TNIK: variants seen among roughly 807,000 people sequenced by gnomAD.
TNIK encodes TRAF2 and NCK interacting kinase, also known as TRAF2 and NCK-interacting protein kinase.
A neutral mutation model predicts 191.3 loss-of-function variants in TNIK; 49 were observed. The observed-to-expected ratio is 0.26, with a 90% CI of 0.20 to 0.32. The LOEUF (loss-of-function observed/expected upper bound fraction) is 0.32. Ranked by LOEUF, TNIK falls within the 10% of genes least tolerant of loss-of-function variation. TNIK has a pLI of 1.00. For missense variants in TNIK, 1,155 were observed against 1,702.3 expected (o/e 0.68, Z 5.66); for synonymous variants, 594 against 600.9 (o/e 0.99, Z 0.17).
chr3:171,249,477 G>T (rs1311229885), intron 2 of TNIK, among the ~76,000 whole-genome samples: 1 of 152,206 alleles, frequency 6.6e-6, no homozygotes, highest in Non-Finnish European at 1.5e-5. Context: ...GGGCTGGAGG[G>T]ATGGGGCAGT....
At chr3:171,328,735 T>C (rs1756088825) in intron 2 of TNIK, among the ~76,000 whole-genome samples, 1 of 152,210 alleles carries the variant, frequency 6.6e-6, no homozygotes, top group Non-Finnish European at 1.5e-5. Flanking sequence ...TATTTAAATA[T>C]GTAAATGAAA....
intron 2 of TNIK, among the ~76,000 whole-genome samples, chr3:171,289,272 G>T (rs77549575): frequency 6.6e-6 from 1 of 152,284 alleles, no homozygotes; most frequent in South Asian, 2.1e-4. Context: ...GAAAGAACCT[G>T]TAAAAAGAGA....
chr3:171,364,364 TA>T (rs532408501), intron 2 of TNIK, among the ~76,000 whole-genome samples: 2,178 of 141,556 alleles, frequency 0.015, 13 homozygotes, highest in African/African-American at 0.021. Context: ...CATCCCATTA[TA>T]AAAAAAAAAA....
intron 2 of TNIK, among the ~76,000 whole-genome samples, chr3:171,368,993 ATT>A (rs762884685): frequency 1.3e-5 from 2 of 150,638 alleles, no homozygotes; most frequent in Admixed American, 1.3e-4. Flanking sequence ...TCAACCAGCC[ATT>A]TTTCGTAGAT....
chr3:171,087,237 C>G, intron 24 of TNIK, 105 bp downstream of exon 24: 2 of 1,503,116 alleles, frequency 1.3e-6, no homozygotes, highest in South Asian at 1.3e-5. Flanking sequence ...ACCAACCAAA[C>G]AAGTTTCAAG....
At chr3:171,438,093 G>T (rs1726249773) in intron 1 of TNIK, among the ~76,000 whole-genome samples, 1 of 152,326 alleles carries the variant, frequency 6.6e-6, no homozygotes, top group South Asian at 2.1e-4. Context: ...ATTCACCTGT[G>T]TCTCATTTAT....
At chr3:171,079,701 C>T in intron 27 of TNIK, 49 bp from the exon 28 acceptor site, 1 of 1,546,556 alleles carries the variant, frequency 6.5e-7, no homozygotes, top group Non-Finnish European at 8.7e-7. Context: ...ACAGCTCTCA[C>T]TTTTTCCTTC....
chr3:171,295,591 A>G (rs2108252983), intron 2 of TNIK, among the ~76,000 whole-genome samples: 1 of 152,352 alleles, frequency 6.6e-6, no homozygotes, highest in East Asian at 1.9e-4. Flanking sequence ...TTGCTTTCTG[A>G]CAGTTCAATT....
At chr3:171,271,829 T>C (rs1749142822) in intron 2 of TNIK, among the ~76,000 whole-genome samples, 1 of 152,172 alleles carries the variant, frequency 6.6e-6, no homozygotes, top group African/African-American at 2.4e-5. Flanking sequence ...AGGACTCACA[T>C]CTGTTTACAA....
intron 2 of TNIK, among the ~76,000 whole-genome samples, chr3:171,328,215 G>A (rs140912428): frequency 5.1e-4 from 78 of 152,258 alleles, no homozygotes; most frequent in African/African-American, 1.9e-3. Context: ...GACACAGTGA[G>A]AAGACTATGA....
In TNIK at chr3:171,437,463, T is replaced by C. The variant is rs561995288; in HGVS notation, c.57+22544A>G. On this transcript the variant is annotated intron_variant, in intron 1 of 32. Coordinates refer to ENST00000436636, the MANE Select transcript of TNIK (RefSeq NM_015028.4). ...AAAATGAAACGAAGAAACACACAAA[T>C]GCAAGCATAGGCAGGGGAGGCTTTT... 2.0e-5 allele frequency among the ~76,000 whole-genome samples: 3 copies of C among 152,304 alleles called. No homozygotes were observed. In the East Asian group the frequency reaches 5.8e-4, roughly 29 times the overall value.
chr3:171,259,982 C>A (rs1747389362), intron 2 of TNIK, among the ~76,000 whole-genome samples: 1 of 152,126 alleles, frequency 6.6e-6, no homozygotes, highest in Admixed American at 6.5e-5. Context: ...CCTCCTAGGC[C>A]CATCTATGCA....
At chr3:171,416,375 G>C (rs544512981) in intron 1 of TNIK, among the ~76,000 whole-genome samples, 1 of 151,924 alleles carries the variant, frequency 6.6e-6, no homozygotes, top group Non-Finnish European at 1.5e-5. Flanking sequence ...GGCATTCTAC[G>C]AGACAACTGG....
chr3:171,275,447 C>T (rs996098045), intron 2 of TNIK, among the ~76,000 whole-genome samples: 2 of 151,616 alleles, frequency 1.3e-5, no homozygotes, highest in Non-Finnish European at 2.9e-5. Flanking sequence ...AATATTATAA[C>T]CATAAAACAA....
At chr3:171,190,602 A>G in intron 6 of TNIK, 95 bp downstream of exon 6, 1 of 986,972 alleles carries the variant, frequency 1.0e-6, no homozygotes, top group Non-Finnish European at 1.5e-6. Context: ...TGCTCTCCAA[A>G]TCCACGGTGA....
chr3:171,074,201 C>T (rs767552637), intron 28 of TNIK, among the ~76,000 whole-genome samples: 13 of 152,154 alleles, frequency 8.5e-5, no homozygotes, highest in East Asian at 1.9e-4. Flanking sequence ...AGAATGAAAT[C>T]GTGCCCTTGG....
At position 171,093,988 on chromosome 3, in the gene TNIK, C is replaced by T; in HGVS notation, c.2592-20G>A. 6.2e-7 allele frequency: 1 copy of T among 1,607,254 alleles called. No homozygotes were observed. On this transcript the variant is annotated intron_variant, in intron 22 of 32. Coordinates refer to ENST00000436636, the MANE Select transcript of TNIK (RefSeq NM_015028.4). ...GTTGGTCTGAGATGAGAAGGAACAA[C>T]ATTCATGGCAATGTATCTTTAGGAA...
intron 2 of TNIK, among the ~76,000 whole-genome samples, chr3:171,237,675 G>A (rs1022958900): frequency 1.3e-4 from 20 of 152,216 alleles, no homozygotes; most frequent in Admixed American, 5.9e-4. Flanking sequence ...TAATTCTAGT[G>A]CTTTGAGAGG....
intron 5 of TNIK, among the ~76,000 whole-genome samples, chr3:171,191,301 G>A (rs549476163): frequency 6.6e-6 from 1 of 152,338 alleles, no homozygotes; most frequent in Admixed American, 6.5e-5. Context: ...AGGCTGGAGT[G>A]CAATGGCGTG....
Sources: gnomAD v4.1 joint callset for allele counts (sites outside exome capture counted in the v4.1 genomes callset) on GRCh38, gnomAD v4.1.1 for gene constraint, MANE v1.5 for transcripts, NCBI Gene and HGNC (gene_info 2026-07-23, HGNC 2026-07-21) for gene names.